The following EGFR variants were observed in gnomAD, a reference collection of about 807,000 sequenced individuals.
EGFR encodes the protein epidermal growth factor receptor, also known as avian erythroblastic leukemia viral (v-erb-b) oncogene homolog.
EGFR carries 58 observed loss-of-function variants against 143.0 expected under a neutral mutation model. That is an observed-to-expected ratio of 0.41 (90% confidence interval 0.33 to 0.50). The LOEUF (loss-of-function observed/expected upper bound fraction) is 0.50, where lower values mean the gene tolerates loss of function less well. EGFR is among the 20% of genes least tolerant of loss of function. The pLI is 0.39. For missense variants in EGFR, 1,307 were observed against 1,579.0 expected, an observed-to-expected ratio of 0.83 and a Z score of 2.92; for synonymous variants, 613 against 594.4, an observed-to-expected ratio of 1.03 and a Z score of -0.45.
chr7:55,185,738 G>T (rs1787105117), intron 20 of EGFR, among the ~76,000 whole-genome samples: 1 of 152,192 alleles, frequency 6.6e-6, no homozygotes, highest in Non-Finnish European at 1.5e-5. Flanking sequence ...ACAACGCACG[G>T]TAGCGGTGGG....
chr7:55,061,628 G>GTGTGTA (rs1789181773), intron 1 of EGFR, among the ~76,000 whole-genome samples: 4 of 132,344 alleles, frequency 3.0e-5, no homozygotes, highest in Admixed American at 1.5e-4. Context: ...GTGTGTGTGT[G>GTGTGTA]TGTGTGTGTG....
At chr7:55,188,777 G>A (rs561068639) in intron 20 of EGFR, 1 of 152,152 alleles carries the variant, frequency 6.6e-6, no homozygotes, top group Non-Finnish European at 1.5e-5. Flanking sequence ...AGACCCATGC[G>A]TCAAGTCTCC....
chr7:55,169,153 T>C (rs1254280692), intron 15 of EGFR, among the ~76,000 whole-genome samples: 1 of 150,900 alleles, frequency 6.6e-6, no homozygotes, highest in East Asian at 2.0e-4. Flanking sequence ...CTGGCTGGAG[T>C]GCAGTGCCGT....
intron 19 of EGFR, among the ~76,000 whole-genome samples, chr7:55,175,713 G>A (rs971314242): frequency 7.2e-5 from 11 of 152,218 alleles, no homozygotes; most frequent in African/African-American, 2.7e-4. Context: ...TTACAGCCAA[G>A]AAGGACAAAA....
intron 1 of EGFR, among the ~76,000 whole-genome samples, chr7:55,118,024 A>C (rs1484189365): frequency 3.3e-5 from 5 of 152,350 alleles, no homozygotes; most frequent in Non-Finnish European, 2.9e-5. Flanking sequence ...GTGTCTATAA[A>C]TTAGAATTGC....
chr7:55,165,094 A>C (rs551269223), intron 14 of EGFR, among the ~76,000 whole-genome samples, 186 bp from the exon 15 acceptor site: 1 of 152,364 alleles, frequency 6.6e-6, no homozygotes, highest in South Asian at 2.1e-4. Flanking sequence ...AGAACTTCTA[A>C]GCAACTAACA....
At chr7:55,103,712 G>C (rs1356035076) in intron 1 of EGFR, among the ~76,000 whole-genome samples, 2 of 152,208 alleles carry the variant, frequency 1.3e-5, no homozygotes, top group African/African-American at 4.8e-5. Context: ...TCAAACATAA[G>C]AGTCTGTAGA....
At position 55,080,582 on chromosome 7, in the gene EGFR, T is replaced by C. The variant is rs200046720; in HGVS notation, c.88+61217T>C. On this transcript the variant is annotated intron_variant, in intron 1 of 27. Coordinates refer to ENST00000275493, the MANE Select transcript of EGFR (RefSeq NM_005228.5). ...AGATTTGGTGAAAGGACATAGAATC[T>C]CAGTTAGACAGGAGGAATAAGTTAA... Among the ~76,000 whole-genome samples, 1,367 of 152,224 alleles carry C rather than the reference T, an allele frequency of 9.0e-3. 20 individuals are homozygous for C. The highest frequency in any genetic ancestry group is 0.031 in the African/African-American group (1,286 of 41,544).
chr7:55,147,500 G>GA (rs1376479614), intron 4 of EGFR, among the ~76,000 whole-genome samples: 1 of 129,716 alleles, frequency 7.7e-6, no homozygotes. Flanking sequence ...TTTGTTTTCT[G>GA]CCCTCAGAAC....
At chr7:55,131,604 C>G (rs1317719831) in intron 1 of EGFR, among the ~76,000 whole-genome samples, 4 of 152,224 alleles carry the variant, frequency 2.6e-5, no homozygotes, top group African/African-American at 9.6e-5. Context: ...CCCTCGGACA[C>G]TCCCTCTCGA....
chr7:55,053,127 G>T lies in EGFR; in HGVS notation c.88+33762G>T, dbSNP rs191937802. Among the ~76,000 whole-genome samples the T allele has an allele frequency of 2.3e-4, 35 of 152,284 alleles. No individual in the cohort carries two copies. In the East Asian group the frequency reaches 6.4e-3, roughly 28 times the overall value. ...CTTAGGAGAGATTTGTCTTTCTCAG[G>T]TCAGGAAGAAAATGCTGCCCGCTGC... On this transcript the variant is annotated intron_variant, in intron 1 of 27. Coordinates refer to ENST00000275493, the MANE Select transcript of EGFR (RefSeq NM_005228.5).
intron 1 of EGFR, among the ~76,000 whole-genome samples, chr7:55,074,096 C>G (rs922519294): frequency 6.6e-6 from 1 of 152,230 alleles, no homozygotes; most frequent in African/African-American, 2.4e-5. Flanking sequence ...ATCTGCCTCG[C>G]GAAGGCTAAG....
intron 1 of EGFR, among the ~76,000 whole-genome samples, chr7:55,024,183 T>G (rs1012865900): frequency 2.6e-5 from 4 of 152,110 alleles, no homozygotes; most frequent in African/African-American, 9.6e-5. Flanking sequence ...ATATTGGGGG[T>G]GTGTTTACTG....
chr7:55,184,622 C>T (rs1787049828), intron 20 of EGFR, among the ~76,000 whole-genome samples: 1 of 152,188 alleles, frequency 6.6e-6, no homozygotes, highest in African/African-American at 2.4e-5. Flanking sequence ...ATAATATTAC[C>T]TACAATTTCA....
At chr7:55,186,745 T>C (rs1787155175) in intron 20 of EGFR, among the ~76,000 whole-genome samples, 1 of 152,200 alleles carries the variant, frequency 6.6e-6, no homozygotes, top group Non-Finnish European at 1.5e-5. Flanking sequence ...ATGAAATACA[T>C]ATAGAAGTAA....
At chr7:55,035,372 T>C (rs1787496652) in intron 1 of EGFR, among the ~76,000 whole-genome samples, 1 of 151,950 alleles carries the variant, frequency 6.6e-6, no homozygotes, top group African/African-American at 2.4e-5. Context: ...TTAGAAATTA[T>C]ACTAAAAATG....
chr7:55,088,168 T>C (rs1270759409), intron 1 of EGFR, among the ~76,000 whole-genome samples: 2 of 152,028 alleles, frequency 1.3e-5, no homozygotes, highest in Admixed American at 1.3e-4. Flanking sequence ...CTGAGGTACA[T>C]GGAAAGGAGC....
At chr7:55,132,161 A>G (rs531522439) in intron 1 of EGFR, among the ~76,000 whole-genome samples, 2 of 152,138 alleles carry the variant, frequency 1.3e-5, no homozygotes, top group Non-Finnish European at 2.9e-5. Context: ...TTTAAAAAAC[A>G]TGGGTAAAAA....
chr7:55,062,184 T>A (rs1426702483), intron 1 of EGFR, among the ~76,000 whole-genome samples: 1 of 152,190 alleles, frequency 6.6e-6, no homozygotes, highest in Non-Finnish European at 1.5e-5. Context: ...TGGAAGTGGG[T>A]CTCAATCTCA....
Sources: gnomAD v4.1 joint callset for allele counts (sites outside exome capture counted in the v4.1 genomes callset) on GRCh38, gnomAD v4.1.1 for gene constraint, MANE v1.5 for transcripts, NCBI Gene and HGNC (gene_info 2026-07-23, HGNC 2026-07-21) for gene names.